The following RAPGEF4 variants were observed in gnomAD, a reference collection of about 807,000 sequenced individuals.
RAPGEF4 encodes RAP guanine-nucleotide-exchange factor (GEF) 4.
In RAPGEF4, 66 loss-of-function variants were observed where a neutral mutation model predicts 147.9. That is an observed-to-expected ratio of 0.45 (90% CI 0.37 to 0.55). RAPGEF4 has a LOEUF of 0.55. Ranked by LOEUF, RAPGEF4 falls within the 20% of genes least tolerant of loss-of-function variation. The pLI is 0.00. For missense variants in RAPGEF4, 1,071 were observed against 1,257.3 expected (o/e 0.85, Z 2.24); for synonymous variants, 419 against 442.7 (o/e 0.95, Z 0.67).
At chr2:172,816,541 G>T (rs912539799) in intron 4 of RAPGEF4, among the ~76,000 whole-genome samples, 2 of 152,112 alleles carry the variant, frequency 1.3e-5, no homozygotes, top group African/African-American at 4.8e-5. Context: ...TTGATCCCTT[G>T]GTTAGGTTGT....
chr2:172,772,242 A>G (rs918716212), intron 1 of RAPGEF4, among the ~76,000 whole-genome samples: 3 of 152,204 alleles, frequency 2.0e-5, no homozygotes, highest in African/African-American at 7.2e-5. Flanking sequence ...TGTCTCAAAG[A>G]TAATTTTTGA....
chr2:173,016,314 T>A (rs755831791), intron 18 of RAPGEF4, 35 bp from the exon 19 acceptor site: 4 of 1,468,954 alleles, frequency 2.7e-6, no homozygotes, highest in South Asian at 1.1e-5. Context: ...CTTTTGCAGT[T>A]CTTGTTAAAA....
intron 5 of RAPGEF4, among the ~76,000 whole-genome samples, chr2:172,918,371 CCACACACACACACA>C (rs377074360): frequency 7.3e-5 from 10 of 137,632 alleles, no homozygotes; most frequent in South Asian, 2.5e-4. Flanking sequence ...GATGCTCTTA[CCACACACACACACA>C]CACACACACA....
intron 4 of RAPGEF4, among the ~76,000 whole-genome samples, chr2:172,875,667 G>A (rs1695830887): frequency 6.6e-6 from 1 of 152,214 alleles, no homozygotes; most frequent in South Asian, 2.1e-4. Flanking sequence ...AGTATAGTTT[G>A]AAGTCAGGTA....
chr2:172,920,462 A>G (rs950117809), intron 5 of RAPGEF4, among the ~76,000 whole-genome samples: 9 of 152,146 alleles, frequency 5.9e-5, no homozygotes, highest in South Asian at 2.1e-4. Flanking sequence ...GGGCCATGCT[A>G]TGGTCATCTG....
intron 4 of RAPGEF4, among the ~76,000 whole-genome samples, chr2:172,818,181 G>A (rs4972518): frequency 0.33 from 49,825 of 151,204 alleles, 8,327 homozygotes; most frequent in East Asian, 0.47. Context: ...TTGGGGACTT[G>A]GGGGAAAGGG....
rs537091569 is a variant in RAPGEF4, at chr2:172,932,181, G to A, written c.537+9881G>A. ...ATTTGGATGAAAAGTGGAAATATTC[G>A]TAGTAAATGTTATTTTCGTTTGTAA... On this transcript the variant is annotated intron_variant, in intron 6 of 30. Coordinates refer to ENST00000397081, the MANE Select transcript of RAPGEF4 (RefSeq NM_007023.4). Among the ~76,000 whole-genome samples the A allele has an allele frequency of 1.2e-4, 18 of 152,262 alleles. No homozygotes were observed. The South Asian group carries it at 3.3e-3, about 28-fold the overall frequency.
intron 14 of RAPGEF4, 57 bp from the exon 15 acceptor site, chr2:172,990,753 T>A (rs1575460097): frequency 7.7e-7 from 1 of 1,306,152 alleles, no homozygotes; most frequent in South Asian, 1.3e-5. Flanking sequence ...ATTTGAAAAT[T>A]TTTTCATTGT....
intron 4 of RAPGEF4, among the ~76,000 whole-genome samples, chr2:172,861,932 C>G (rs1247061601): frequency 1.3e-5 from 2 of 152,190 alleles, no homozygotes; most frequent in Admixed American, 6.5e-5. Flanking sequence ...ATGCACGTAG[C>G]AAGAACTTGC....
chr2:173,005,811 A>G (rs1354706916), intron 17 of RAPGEF4, among the ~76,000 whole-genome samples: 2 of 152,082 alleles, frequency 1.3e-5, no homozygotes, highest in African/African-American at 4.8e-5. Context: ...ATGAGCCACC[A>G]TGCCTGGTAT....
At chr2:172,762,568 G>A (rs774772772) in intron 1 of RAPGEF4, among the ~76,000 whole-genome samples, 1 of 152,278 alleles carries the variant, frequency 6.6e-6, no homozygotes, top group Non-Finnish European at 1.5e-5. Flanking sequence ...GAGGCCTTCT[G>A]TCTGGGATTG....
intron 10 of RAPGEF4, 46 bp from the exon 11 acceptor site, chr2:172,983,450 G>T: frequency 6.3e-7 from 1 of 1,576,402 alleles, no homozygotes. Flanking sequence ...TGAGGCCCTA[G>T]TGATGCCCTT....
chr2:172,749,906 T>C (rs1353172885), intron 1 of RAPGEF4, among the ~76,000 whole-genome samples: 1 of 152,148 alleles, frequency 6.6e-6, no homozygotes, highest in Non-Finnish European at 1.5e-5. Context: ...GTTCCACAAA[T>C]CTCTAGGGCA....
intron 6 of RAPGEF4, chr2:172,928,156 C>T: frequency 2.2e-6 from 1 of 453,368 alleles, no homozygotes; most frequent in Admixed American, 2.4e-5. Context: ...AATACCGTGA[C>T]TTCATGTTGA....
intron 26 of RAPGEF4, among the ~76,000 whole-genome samples, chr2:173,030,808 A>G (rs1348359654): frequency 6.6e-6 from 1 of 152,232 alleles, no homozygotes; most frequent in Admixed American, 6.5e-5. Flanking sequence ...AGTTTGGGGC[A>G]AAAGTGAGGC....
At chr2:172,768,315 A>G (rs1205550696) in intron 1 of RAPGEF4, among the ~76,000 whole-genome samples, 1 of 152,178 alleles carries the variant, frequency 6.6e-6, no homozygotes, top group Non-Finnish European at 1.5e-5. Context: ...TGTGAAGAGG[A>G]AAAATATATC....
At chr2:172,924,823 G>C (rs78224858) in intron 6 of RAPGEF4, among the ~76,000 whole-genome samples, 1 of 152,026 alleles carries the variant, frequency 6.6e-6, no homozygotes, top group Admixed American at 6.6e-5. Context: ...ACAATAATAT[G>C]CCTGTGGACT....
At chr2:172,749,453 G>A (rs1340962499) in intron 1 of RAPGEF4, among the ~76,000 whole-genome samples, 1 of 152,222 alleles carries the variant, frequency 6.6e-6, no homozygotes, top group Non-Finnish European at 1.5e-5. Context: ...GGCCTAAGCT[G>A]TACCTCGGCC....
chr2:173,043,744 C>G (rs1289036324), intron 29 of RAPGEF4, among the ~76,000 whole-genome samples: 1 of 152,174 alleles, frequency 6.6e-6, no homozygotes, highest in Non-Finnish European at 1.5e-5. Flanking sequence ...CCGCAAAGGC[C>G]CAGTCTGAGA....
Sources: allele counts gnomAD v4.1 joint callset (sites outside exome capture counted in the v4.1 genomes callset), GRCh38; gene constraint gnomAD v4.1.1; transcripts MANE v1.5; gene names NCBI Gene and HGNC (gene_info 2026-07-23, HGNC 2026-07-21).